LDLRAD2: variants seen among roughly 807,000 people sequenced by gnomAD.
LDLRAD2 encodes the protein low density lipoprotein receptor class A domain containing 2.
In LDLRAD2, 25 loss-of-function variants were observed where a neutral mutation model predicts 24.9. The observed-to-expected ratio is 1.00, with a 90% CI of 0.73 to 1.40. The LOEUF is 1.40. Ranked by LOEUF, LDLRAD2 falls within the 40% of genes most tolerant of loss-of-function variation. LDLRAD2 has a pLI of 0.00. For synonymous variants in LDLRAD2, 182 were observed against 166.7 expected (o/e 1.09, Z -0.71); for missense variants, 391 against 366.2 (o/e 1.07, Z -0.55).
chr1:21,820,773 A>G (rs1323335513), intron 3 of LDLRAD2, among the ~76,000 whole-genome samples: 2 of 152,234 alleles, frequency 1.3e-5, no homozygotes, highest in Admixed American at 6.5e-5. Flanking sequence ...AATGAATGGA[A>G]GAAGGAACCT....
intron 3 of LDLRAD2, among the ~76,000 whole-genome samples, chr1:21,821,064 G>A (rs1246092845): frequency 6.6e-6 from 1 of 152,224 alleles, no homozygotes; most frequent in Non-Finnish European, 1.5e-5. Flanking sequence ...AGGCATGGTG[G>A]CACGTGCTGG....
In LDLRAD2 at chr1:21,814,508, C is replaced by A; in HGVS notation, c.196C>A (p.Leu66Ile). The part of the protein sequence containing the change: ...YFVAPDTDCG[L>I]WVQAAAPGDR... ...CGTGGCTCCGGACACCGACTGCGGG[C>A]TCTGGGTGCAGGCGGCAGCCCCCGG... The change falls in exon 2 of 5, where the codon CTC becomes ATC. Residue 66 changes from leucine to isoleucine, a missense_variant. Coordinates refer to ENST00000344642, the MANE Select transcript of LDLRAD2 (RefSeq NM_001013693.3). 1 of 1,612,654 alleles carries A rather than the reference C, an allele frequency of 6.2e-7. No individual in the cohort carries two copies. Among genetic ancestry groups the A allele is most frequent in the Non-Finnish European group, 8.5e-7 (1 of 1,179,744 alleles).
At position 21,815,927 on chromosome 1, in the gene LDLRAD2, C is replaced by G. The variant is rs2152677756; in HGVS notation, c.512-16C>G. 1.2e-6 allele frequency: 2 copies of G among 1,613,534 alleles called. No homozygotes were observed. The highest frequency in any genetic ancestry group is 1.7e-6 in the Non-Finnish European group (2 of 1,179,798). On this transcript the variant is annotated splice_polypyrimidine_tract_variant and intron_variant, in intron 2 of 4. Transcript: ENST00000344642. ...GGACCGGAATCCTCACCTCAGGCTTCTGCTTCTGGCCTCAGGACCTTGTGG... is the reference window on the plus strand; with the variant it reads ...GGACCGGAATCCTCACCTCAGGCTTGTGCTTCTGGCCTCAGGACCTTGTGG...
intron 3 of LDLRAD2, among the ~76,000 whole-genome samples, chr1:21,820,078 A>T (rs1489298572): frequency 6.6e-6 from 1 of 152,182 alleles, no homozygotes; most frequent in Non-Finnish European, 1.5e-5. Context: ...CCATGATCTA[A>T]TCACTTCCTA....
In LDLRAD2 at chr1:21,823,552, G is replaced by A; in HGVS notation, c.*1337G>A. 1 of 1,609,820 alleles carries A rather than the reference G, an allele frequency of 6.2e-7. No homozygotes were observed. The highest frequency in any genetic ancestry group is 8.5e-7 in the Non-Finnish European group (1 of 1,177,648). ...CAGCCCAGGAGGCGAGGAAGGCTGG[G>A]CGAGCTCTAGCCCTAAGGGAGTGCC... On this transcript the variant is annotated 3_prime_UTR_variant, in exon 5 of 5. Coordinates refer to ENST00000344642, the MANE Select transcript of LDLRAD2 (RefSeq NM_001013693.3).
At chr1:21,819,676 G>A (rs994148939) in intron 3 of LDLRAD2, among the ~76,000 whole-genome samples, 2 of 152,002 alleles carry the variant, frequency 1.3e-5, no homozygotes, top group African/African-American at 4.8e-5. Context: ...AATTGACGGA[G>A]TTGATGGAGT....
At position 21,820,982 on chromosome 1, in the gene LDLRAD2, G is replaced by A. The variant is rs146203168; in HGVS notation, c.644-468G>A. On this transcript the variant is annotated intron_variant, in intron 3 of 4. Transcript: ENST00000344642. ...GGAGGCTGAGGCAGGTGGATTGCTT[G>A]AGCTCAGGAGTCGAGACCAGCTTGG... Among the ~76,000 whole-genome samples the A allele has an allele frequency of 2.1e-3, 315 of 152,312 alleles. 1 individual carries two copies. The highest frequency in any genetic ancestry group is 3.6e-3 in the Non-Finnish European group (246 of 68,030).
At chr1:21,815,055 A>T (rs922455832) in intron 2 of LDLRAD2, among the ~76,000 whole-genome samples, 1 of 152,194 alleles carries the variant, frequency 6.6e-6, no homozygotes, top group African/African-American at 2.4e-5. Flanking sequence ...TCTGGCTACC[A>T]TGGATGTGTG....
At chr1:21,818,829 T>C (rs2097946997) in intron 3 of LDLRAD2, among the ~76,000 whole-genome samples, 1 of 151,770 alleles carries the variant, frequency 6.6e-6, no homozygotes, top group African/African-American at 2.4e-5. Flanking sequence ...GATCTGGCCC[T>C]GCCCCTTCTT....
Position 21,814,421 on chromosome 1 carries a change from C to A in LDLRAD2, c.109C>A (p.Gln37Lys), listed in dbSNP as rs1166862685. ...ETADLAELCG[Q>K]TWQGDGLLLR... is the part of the protein sequence containing the mutation. ...AGCCGACCTGGCGGAACTGTGCGGG[C>A]AGACGTGGCAGGGGGACGGGCTGCT... The change falls in exon 2 of 5, where the codon CAG becomes AAG. Residue 37 changes from glutamine to lysine, a missense_variant. Coordinates refer to ENST00000344642, the MANE Select transcript of LDLRAD2 (RefSeq NM_001013693.3). 1 of 1,606,544 alleles carries A rather than the reference C, an allele frequency of 6.2e-7. No homozygotes were observed. The highest frequency in any genetic ancestry group is 8.5e-7 in the Non-Finnish European group (1 of 1,176,590).
At position 21,814,576 on chromosome 1, in the gene LDLRAD2, C is replaced by A. The variant is rs2097941823; in HGVS notation, c.264C>A (p.Ser88Arg). ...AGTTCCGCTTCTTCCTGGTCTACAG[C>A]CTGACCCCCGCGCCCCCGGCGCTCA... is the stretch of plus-strand genomic sequence containing the variant. ...RFQFRFFLVYSLTPAPPALNT... is the reference protein window; with the variant it reads ...RFQFRFFLVYRLTPAPPALNT... The change falls in exon 2 of 5, where the codon AGC becomes AGA. Residue 88 changes from serine to arginine, a missense_variant. Physicochemically the swap from Ser to Arg is moderately radical, Grantham distance 110. Transcript: ENST00000344642. 1 of 1,612,138 alleles carries A rather than the reference C, an allele frequency of 6.2e-7. No individual in the cohort carries two copies. The highest frequency in any genetic ancestry group is 2.2e-5 in the East Asian group (1 of 44,818).
In LDLRAD2 at chr1:21,823,820, A is replaced by AGTCTGG; in HGVS notation, c.*1605_*1606insGTCTGG. ...TCTGATATCGAGACTCCAGACTCAGAAGTCTGTCCCTGTTTCCCAAGCTCT... is the reference window on the plus strand; with the variant it reads ...TCTGATATCGAGACTCCAGACTCAGAGTCTGGAGTCTGTCCCTGTTTCCCAAGCTCT... On this transcript the variant is annotated 3_prime_UTR_variant, in exon 5 of 5. Transcript: ENST00000344642. 2.2e-6 allele frequency: 2 copies of AGTCTGG among 916,808 alleles called. No homozygotes were observed. The highest frequency in any genetic ancestry group is 3.5e-6 in the Non-Finnish European group (2 of 567,592). 56.8% of individuals were successfully genotyped at this position (916,808 alleles called of 1,614,324 possible).
Position 21,822,247 on chromosome 1 carries a change from C to T in LDLRAD2, c.*32C>T, listed in dbSNP as rs757782476. On this transcript the variant is annotated 3_prime_UTR_variant, in exon 5 of 5. Coordinates refer to ENST00000344642, the MANE Select transcript of LDLRAD2 (RefSeq NM_001013693.3). ...CATCAAAGACTCAGGAGGCCCCTGG[C>T]GGGGATAGCACCGTTTATTAAGAAA... The T allele has an allele frequency of 2.2e-5, 36 of 1,600,594 alleles. No individual in the cohort carries two copies. Among genetic ancestry groups the T allele is most frequent in the East Asian group, 4.5e-5 (2 of 44,830 alleles).
intron 3 of LDLRAD2, among the ~76,000 whole-genome samples, chr1:21,819,260 C>T (rs2097947574): frequency 6.6e-6 from 1 of 151,934 alleles, no homozygotes; most frequent in South Asian, 2.1e-4. Context: ...GTAGTCCCAG[C>T]TACTTGGGAG....
In LDLRAD2 at chr1:21,823,294, T is replaced by C; in HGVS notation, c.*1079T>C. On this transcript the variant is annotated 3_prime_UTR_variant, in exon 5 of 5. Coordinates refer to ENST00000344642, the MANE Select transcript of LDLRAD2 (RefSeq NM_001013693.3). Reference sequence around the variant, plus strand: ...GTCGGGCTGGGGCGTGGCCCGGGAGTCCGTGTGGGGCAGGCAGGTGCCTAC... The same window carrying C: ...GTCGGGCTGGGGCGTGGCCCGGGAGCCCGTGTGGGGCAGGCAGGTGCCTAC... The C allele has an allele frequency of 6.7e-7, 1 of 1,497,704 alleles. No homozygotes were observed. Among genetic ancestry groups the C allele is most frequent in the Non-Finnish European group, 8.9e-7 (1 of 1,124,114 alleles). 92.8% of individuals were successfully genotyped at this position (1,497,704 alleles called of 1,614,324 possible).
Position 21,823,314 on chromosome 1 carries a change from G to A in LDLRAD2, c.*1099G>A. 1.3e-6 allele frequency: 2 copies of A among 1,528,734 alleles called. No individual in the cohort carries two copies. Among genetic ancestry groups the A allele is most frequent in the African/African-American group, 2.7e-5 (2 of 72,926 alleles). The allele number at this position is 1,528,734 out of a possible 1,614,324, so 94.7% of individuals were successfully genotyped here. ...GGGAGTCCGTGTGGGGCAGGCAGGT[G>A]CCTACGAGGGGCAGGGGCGTGTGTT... On this transcript the variant is annotated 3_prime_UTR_variant, in exon 5 of 5. Transcript: ENST00000344642.
intron 1 of LDLRAD2, 52 bp downstream of exon 1, chr1:21,812,588 A>G (rs369050129): frequency 7.0e-7 from 1 of 1,433,718 alleles, no homozygotes; most frequent in Non-Finnish European, 9.8e-7. Flanking sequence ...GGCCCCCACC[A>G]TCCTTAGAGA....
At chr1:21,814,268 C>T (rs2097941433) in intron 1 of LDLRAD2, 130 bp from the exon 2 acceptor site, 3 of 649,466 alleles carry the variant, frequency 4.6e-6, no homozygotes, top group Non-Finnish European at 7.8e-6. Flanking sequence ...TAATCATCCC[C>T]ATTTTACCGA....
intron 2 of LDLRAD2, among the ~76,000 whole-genome samples, chr1:21,815,453 C>T (rs1332540324): frequency 6.6e-5 from 10 of 152,150 alleles, no homozygotes; most frequent in Non-Finnish European, 1.5e-4. Context: ...CAACTCAAGC[C>T]AGGAAAGGGC....
Sources: gnomAD v4.1 joint callset for allele counts (sites outside exome capture counted in the v4.1 genomes callset) on GRCh38, gnomAD v4.1.1 for gene constraint, MANE v1.5 for transcripts, NCBI Gene and HGNC (gene_info 2026-07-23, HGNC 2026-07-21) for gene names.